GALNTL6: variants seen among roughly 807,000 people sequenced by gnomAD.
GALNTL6 encodes polypeptide N-acetylgalactosaminyltransferase like 6, also known as polypeptide N-acetylgalactosaminyltransferase-like 6.
Under a neutral mutation model 73.7 loss-of-function variants are expected in GALNTL6, and 46 were observed. The observed-to-expected ratio is 0.62, with a 90% CI of 0.49 to 0.80. The LOEUF (loss-of-function observed/expected upper bound fraction) is 0.80, where lower values mean the gene tolerates loss of function less well. GALNTL6 is among the 30% of genes least tolerant of loss of function. GALNTL6 has a pLI of 0.00. For synonymous variants in GALNTL6, 259 were observed against 263.7 expected, an observed-to-expected ratio of 0.98 and a Z score of 0.17; for missense variants, 604 against 755.0, an observed-to-expected ratio of 0.80 and a Z score of 2.34.
intron 2 of GALNTL6, among the ~76,000 whole-genome samples, chr4:171,942,192 ACCAGCCTGG>A (rs1049791891): frequency 1.3e-5 from 2 of 151,320 alleles, no homozygotes; most frequent in Admixed American, 6.6e-5. Flanking sequence ...GGAGGTTGAG[ACCAGCCTGG>A]CCAACATGGT....
At position 172,682,159 on chromosome 4, in the gene GALNTL6, C is replaced by T. The variant is rs151240679; in HGVS notation, c.554-127202C>T. Among the ~76,000 whole-genome samples the T allele has an allele frequency of 5.4e-3, 819 of 152,166 alleles. 8 individuals carry two copies. Among genetic ancestry groups the T allele is most frequent in the African/African-American group, 0.018 (761 of 41,522 alleles). On this transcript the variant is annotated intron_variant, in intron 5 of 12. Transcript: ENST00000506823. ...AACACAAAACCAAATAGATAATGAT[C>T]TGGACAGATAAAAACATGAACAGAT...
intron 5 of GALNTL6, among the ~76,000 whole-genome samples, chr4:172,602,857 A>G (rs73869556): frequency 0.019 from 2,857 of 152,318 alleles, 99 homozygotes; most frequent in African/African-American, 0.065. Context: ...TGAGAAAAAC[A>G]AATTATATTC....
At position 172,854,803 on chromosome 4, in the gene GALNTL6, C is replaced by T. The variant is rs183442036; in HGVS notation, c.924-27987C>T. ...GTACTATAGTGAGTTATATGCCTCTCCAAGTCATCGCAACTAGACGGTAAA... is the reference window on the plus strand; with the variant it reads ...GTACTATAGTGAGTTATATGCCTCTTCAAGTCATCGCAACTAGACGGTAAA... On this transcript the variant is annotated intron_variant, in intron 7 of 12. Coordinates refer to ENST00000506823, the MANE Select transcript of GALNTL6 (RefSeq NM_001034845.3). 6.8e-4 allele frequency among the ~76,000 whole-genome samples: 104 copies of T among 152,248 alleles called. 1 individual carries two copies. Among genetic ancestry groups the T allele is most frequent in the African/African-American group, 2.4e-3 (99 of 41,538 alleles).
chr4:172,776,250 C>T (rs946950519), intron 5 of GALNTL6, among the ~76,000 whole-genome samples: 26 of 152,138 alleles, frequency 1.7e-4, no homozygotes, highest in Admixed American at 2.0e-4. Context: ...GTCAGAGATT[C>T]GGGAGTAACC....
intron 2 of GALNTL6, among the ~76,000 whole-genome samples, chr4:172,006,751 A>C (rs1043597695): frequency 3.3e-5 from 5 of 152,122 alleles, no homozygotes; most frequent in Admixed American, 2.6e-4. Flanking sequence ...ATTGCTAATA[A>C]TTTCCAGTAG....
intron 2 of GALNTL6, among the ~76,000 whole-genome samples, chr4:171,919,654 A>T (rs1417148571): frequency 6.6e-6 from 1 of 152,162 alleles, no homozygotes; most frequent in Non-Finnish European, 1.5e-5. Flanking sequence ...ATCATCTTCC[A>T]TAAAAAAATC....
At chr4:172,122,022 T>C (rs1303156221) in intron 2 of GALNTL6, among the ~76,000 whole-genome samples, 1 of 151,652 alleles carries the variant, frequency 6.6e-6, no homozygotes, top group Non-Finnish European at 1.5e-5. Context: ...CACCTTTCCC[T>C]GAGGGATTTG....
At chr4:172,998,623 G>A (rs1411050819) in intron 10 of GALNTL6, among the ~76,000 whole-genome samples, 1 of 151,964 alleles carries the variant, frequency 6.6e-6, no homozygotes, top group East Asian at 1.9e-4. Context: ...TCCTTTGAAA[G>A]GTCTCTGGTG....
chr4:171,886,254 G>A (rs1460026149), intron 2 of GALNTL6, among the ~76,000 whole-genome samples: 1 of 152,026 alleles, frequency 6.6e-6, no homozygotes, highest in Non-Finnish European at 1.5e-5. Context: ...AACAATTTTA[G>A]AACATGATAA....
intron 8 of GALNTL6, among the ~76,000 whole-genome samples, chr4:172,925,178 T>G (rs1164632304): frequency 4.0e-5 from 5 of 125,142 alleles, no homozygotes; most frequent in South Asian, 5.0e-4. Context: ...GGCTTATGTT[T>G]TTTTTTTTTT....
At chr4:172,828,448 G>A (rs898794803) in intron 7 of GALNTL6, among the ~76,000 whole-genome samples, 3 of 151,990 alleles carry the variant, frequency 2.0e-5, no homozygotes, top group African/African-American at 7.3e-5. Flanking sequence ...TGCTGTCAGG[G>A]AAGGACCATT....
At chr4:172,453,057 T>A (rs2111426106) in intron 5 of GALNTL6, among the ~76,000 whole-genome samples, 1 of 152,192 alleles carries the variant, frequency 6.6e-6, no homozygotes, top group Non-Finnish European at 1.5e-5. Flanking sequence ...CAAAACTACC[T>A]GGGCGTGGTG....
intron 5 of GALNTL6, among the ~76,000 whole-genome samples, chr4:172,677,818 C>G (rs923020055): frequency 6.6e-6 from 1 of 151,728 alleles, no homozygotes; most frequent in African/African-American, 2.4e-5. Context: ...ACAATTCTCA[C>G]CAGCAGTGCA....
At chr4:172,081,435 C>T (rs1007469215) in intron 2 of GALNTL6, among the ~76,000 whole-genome samples, 6 of 152,154 alleles carry the variant, frequency 3.9e-5, no homozygotes, top group Non-Finnish European at 5.9e-5. Flanking sequence ...GTCAAGAGAT[C>T]GAGATCATCC....
intron 8 of GALNTL6, among the ~76,000 whole-genome samples, chr4:172,926,485 CA>C (rs925311905): frequency 1.8e-4 from 28 of 152,166 alleles, no homozygotes; most frequent in African/African-American, 6.3e-4. Flanking sequence ...TACAAGATAA[CA>C]TTAAGTGAAG....
intron 2 of GALNTL6, among the ~76,000 whole-genome samples, chr4:172,129,278 TAGAC>T (rs1200061868): frequency 2.6e-5 from 4 of 152,180 alleles, no homozygotes; most frequent in East Asian, 1.9e-4. Flanking sequence ...GCAGAAAACT[TAGAC>T]AGCTCTACAT....
At chr4:172,568,785 A>G (rs1736658660) in intron 5 of GALNTL6, among the ~76,000 whole-genome samples, 1 of 149,584 alleles carries the variant, frequency 6.7e-6, no homozygotes, top group South Asian at 2.1e-4. Context: ...AAAAAGTAAC[A>G]AAGATGAACA....
chr4:171,995,352 T>C (rs1321675128), intron 2 of GALNTL6, among the ~76,000 whole-genome samples: 1 of 151,978 alleles, frequency 6.6e-6, no homozygotes, highest in Non-Finnish European at 1.5e-5. Context: ...ATTAAAAACA[T>C]ACCTAACAGT....
At chr4:172,823,357 T>G (rs1445524182) in intron 7 of GALNTL6, among the ~76,000 whole-genome samples, 1 of 152,212 alleles carries the variant, frequency 6.6e-6, no homozygotes, top group African/African-American at 2.4e-5. Context: ...TCCTAATCAT[T>G]TCAACATCAG....
Sources: gnomAD v4.1 joint callset for allele counts (sites outside exome capture counted in the v4.1 genomes callset) on GRCh38, gnomAD v4.1.1 for gene constraint, MANE v1.5 for transcripts, NCBI Gene and HGNC (gene_info 2026-07-23, HGNC 2026-07-21) for gene names.